ALPK2: variants seen among roughly 807,000 people sequenced by gnomAD.
ALPK2 encodes the protein alpha kinase 2, also known as alpha-protein kinase 2.
Under a neutral mutation model 163.1 loss-of-function variants are expected in ALPK2, and 127 were observed. The ratio of observed to expected loss-of-function variants is 0.78; its 90% CI spans 0.67 to 0.90. The LOEUF (loss-of-function observed/expected upper bound fraction) is 0.90. ALPK2 is among the 40% of genes least tolerant of loss of function. ALPK2 has a pLI of 0.00. For missense variants in ALPK2, 2,360 were observed against 2,589.6 expected, an observed-to-expected ratio of 0.91 and a Z score of 1.92; for synonymous variants, 953 against 959.1, an observed-to-expected ratio of 0.99 and a Z score of 0.12.
At chr18:58,625,874 A>G (rs1418122120) in intron 1 of ALPK2, among the ~76,000 whole-genome samples, 1 of 152,318 alleles carries the variant, frequency 6.6e-6, no homozygotes, top group East Asian at 1.9e-4. Flanking sequence ...TCTCCTGATC[A>G]GTTTTGTCTA....
rs1439226554 is a variant in ALPK2, at chr18:58,529,233, C to T, written c.5359G>A (p.Val1787Ile). Residue 1787 changes from valine (V) to isoleucine (I), a missense_variant, in exon 6 of 13, where the codon GTA (valine) becomes ATA (isoleucine). By Grantham distance (29) the Val-to-Ile change is conservative (BLOSUM62 3). Coordinates refer to ENST00000361673, the MANE Select transcript of ALPK2 (RefSeq NM_052947.4). Reference sequence around the variant, plus strand: ...TCAGCTTGGATCTTTTTCAGTAATACTGGAGCTAGAAACAAGATATTTGAA... The same window carrying T: ...TCAGCTTGGATCTTTTTCAGTAATATTGGAGCTAGAAACAAGATATTTGAA... ...PSCKREGRAP[V>I]LLKKIQAEMF... 1 of 1,610,608 alleles carries T rather than the reference C, an allele frequency of 6.2e-7. No individual in the cohort carries two copies. Among genetic ancestry groups the T allele is most frequent in the Middle Eastern group, 1.6e-4 (1 of 6,078 alleles).
chr18:58,487,877 A>C (rs199707308), intron 12 of ALPK2, among the ~76,000 whole-genome samples: 6 of 44,672 alleles, frequency 1.3e-4, no homozygotes, highest in South Asian at 6.4e-4. Context: ...AACAAAAACA[A>C]AAAATATGAA....
chr18:58,529,794 C>G (rs1180001389), intron 5 of ALPK2, among the ~76,000 whole-genome samples: 1 of 152,242 alleles, frequency 6.6e-6, no homozygotes, highest in Admixed American at 6.5e-5. Flanking sequence ...TGATATCAAC[C>G]TCATTAGCAA....
chr18:58,497,631 AT>A (rs750940769), intron 12 of ALPK2, among the ~76,000 whole-genome samples: 18 of 152,332 alleles, frequency 1.2e-4, no homozygotes, highest in Non-Finnish European at 2.5e-4. Flanking sequence ...TTGGAGAAAA[AT>A]TAATTTAAAA....
chr18:58,563,804 A>G (rs1018109585), intron 4 of ALPK2, among the ~76,000 whole-genome samples: 1 of 152,228 alleles, frequency 6.6e-6, no homozygotes, highest in Non-Finnish European at 1.5e-5. Context: ...GAACCATGCT[A>G]CAATGAAAAG....
chr18:58,485,520 T>C (rs555873182), intron 12 of ALPK2, among the ~76,000 whole-genome samples: 38 of 152,320 alleles, frequency 2.5e-4, no homozygotes, highest in Non-Finnish European at 5.0e-4. Context: ...CCACAGTCCA[T>C]GGCCTTGGGA....
intron 3 of ALPK2, among the ~76,000 whole-genome samples, chr18:58,589,132 A>T (rs1281162553): frequency 6.6e-6 from 1 of 152,134 alleles, no homozygotes; most frequent in Non-Finnish European, 1.5e-5. Context: ...TGGCTGTTGC[A>T]CCCTGGAAGA....
At chr18:58,611,166 T>G (rs2052128484) in intron 2 of ALPK2, among the ~76,000 whole-genome samples, 1 of 150,684 alleles carries the variant, frequency 6.6e-6, no homozygotes, top group Non-Finnish European at 1.5e-5. Context: ...TATTCCCAGC[T>G]ACTCGGGAGG....
chr18:58,546,592 A>G (rs1279088905), intron 4 of ALPK2, among the ~76,000 whole-genome samples: 2 of 152,248 alleles, frequency 1.3e-5, no homozygotes, highest in Non-Finnish European at 2.9e-5. Flanking sequence ...TAATGCAGTT[A>G]ATGTTGGTAA....
chr18:58,536,080 A>G lies in ALPK2; in HGVS notation c.4107T>C (p.Val1369=). Residue 1369 remains valine (V), a synonymous_variant, in exon 5 of 13, where the codon GTT becomes GTC. Coordinates refer to ENST00000361673, the MANE Select transcript of ALPK2 (RefSeq NM_052947.4). ...AASETGGKEN[V]NNVSQDQEEK... is the part of the protein sequence containing the mutation. The stretch of plus-strand genomic sequence containing the variant: ...CCTCCTGGTCTTGACTCACATTGTT[A>G]ACATTTTCCTTCCCTCCAGTTTCAG... 1.9e-6 allele frequency: 3 copies of G among 1,614,158 alleles called. No homozygotes were observed. Among genetic ancestry groups the G allele is most frequent in the Non-Finnish European group, 8.5e-7 (1 of 1,180,030 alleles).
At chr18:58,521,515 A>AC (rs1229717467) in intron 8 of ALPK2, among the ~76,000 whole-genome samples, 7 of 151,726 alleles carry the variant, frequency 4.6e-5, no homozygotes, top group African/African-American at 1.7e-4. Context: ...CACACTAAAG[A>AC]CGGGTATTTA....
chr18:58,534,720 T>A, intron 5 of ALPK2, 114 bp downstream of exon 5: 1 of 1,374,376 alleles, frequency 7.3e-7, no homozygotes, highest in South Asian at 1.4e-5. Flanking sequence ...ATAGCATCAA[T>A]GCCCACCTGG....
chr18:58,544,471 A>G (rs1268662061), intron 4 of ALPK2: 1 of 152,246 alleles, frequency 6.6e-6, no homozygotes, highest in Non-Finnish European at 1.5e-5. Context: ...AGAAGGTTGT[A>G]TGAGATAAGA....
Position 58,555,957 on chromosome 18 carries a change from G to C in ALPK2, c.1963-17733C>G, listed in dbSNP as rs560897703. Among the ~76,000 whole-genome samples, 15 of 152,250 alleles carry C rather than the reference G, an allele frequency of 9.9e-5. No individual in the cohort carries two copies. The East Asian group carries it at 2.9e-3, about 29-fold the overall frequency. On this transcript the variant is annotated intron_variant, in intron 4 of 12. Transcript: ENST00000361673. Reference sequence around the variant, plus strand: ...CTGCCTCAGCCTCCCAAGTAGCTGGGATTACAGGCACCCGACACCACGCCT... The same window carrying C: ...CTGCCTCAGCCTCCCAAGTAGCTGGCATTACAGGCACCCGACACCACGCCT...
chr18:58,577,125 G>T (rs1459976292), intron 4 of ALPK2, among the ~76,000 whole-genome samples: 3 of 152,164 alleles, frequency 2.0e-5, no homozygotes, highest in Non-Finnish European at 4.4e-5. Flanking sequence ...CCCAGAAATG[G>T]CCCATTTTAC....
intron 10 of ALPK2, chr18:58,512,107 G>A (rs1307958285): frequency 2.6e-5 from 4 of 152,254 alleles, no homozygotes; most frequent in Non-Finnish European, 5.9e-5. Context: ...GTCGTGCTTT[G>A]TCACTTCTGC....
chr18:58,482,300 C>T (rs779875382), intron 12 of ALPK2, among the ~76,000 whole-genome samples: 9 of 152,230 alleles, frequency 5.9e-5, no homozygotes, highest in Non-Finnish European at 1.2e-4. Flanking sequence ...CAGGTGCTCA[C>T]GGTTGGAATG....
chr18:58,574,306 G>A (rs936294001), intron 4 of ALPK2, among the ~76,000 whole-genome samples: 3 of 151,320 alleles, frequency 2.0e-5, no homozygotes, highest in African/African-American at 4.9e-5. Context: ...AAAATCAGCC[G>A]GGTGTGGTGG....
chr18:58,509,178 T>C (rs1188730377), intron 10 of ALPK2, among the ~76,000 whole-genome samples: 1 of 152,056 alleles, frequency 6.6e-6, no homozygotes, highest in East Asian at 1.9e-4. Flanking sequence ...AATGATGGTT[T>C]CCAGCTTCAT....
Sources: gnomAD v4.1 joint callset for allele counts (sites outside exome capture counted in the v4.1 genomes callset) on GRCh38, gnomAD v4.1.1 for gene constraint, MANE v1.5 for transcripts, NCBI Gene and HGNC (gene_info 2026-07-23, HGNC 2026-07-21) for gene names.